Variants in SPAST observed in about 807,000 individuals in gnomAD.
SPAST encodes the protein spastic paraplegia 4 (autosomal dominant; spastin).
Under a neutral mutation model 76.6 loss-of-function variants are expected in SPAST, and 30 were observed. That is an observed-to-expected ratio of 0.39 (90% CI 0.29 to 0.53). The LOEUF (loss-of-function observed/expected upper bound fraction) is 0.53, where lower values mean the gene tolerates loss of function less well. Ranked by LOEUF, SPAST falls within the 20% of genes least tolerant of loss-of-function variation. The pLI, the probability that SPAST is intolerant of heterozygous loss-of-function variation, is 0.68. For synonymous variants in SPAST, 305 were observed against 281.0 expected (o/e 1.09, Z -0.86); for missense variants, 717 against 770.5 (o/e 0.93, Z 0.82).
intron 12 of SPAST, among the ~76,000 whole-genome samples, chr2:32,140,699 T>G (rs1261556632): frequency 6.6e-6 from 1 of 151,968 alleles, no homozygotes. Flanking sequence ...GCCAGATCAC[T>G]TGAGGCCGGG....
intron 4 of SPAST, among the ~76,000 whole-genome samples, chr2:32,105,541 A>AT (rs1454224599): frequency 3.9e-5 from 6 of 152,042 alleles, no homozygotes; most frequent in Non-Finnish European, 8.8e-5. Flanking sequence ...GGCGCTCTGA[A>AT]TTTTAGAATT....
At chr2:32,098,918 T>C in intron 4 of SPAST, 27 bp downstream of exon 4, 1 of 1,429,724 alleles carries the variant, frequency 7.0e-7, no homozygotes, top group South Asian at 1.1e-5. Context: ...TAACATAAAA[T>C]AATAAAGCTT....
intron 1 of SPAST, among the ~76,000 whole-genome samples, chr2:32,076,007 T>C (rs1339432322): frequency 6.6e-6 from 1 of 151,018 alleles, no homozygotes; most frequent in African/African-American, 2.4e-5. Flanking sequence ...TTGAAGTGAT[T>C]CTCCTGCCTC....
chr2:32,111,626 T>G (rs1415775018), intron 4 of SPAST, among the ~76,000 whole-genome samples: 3 of 151,316 alleles, frequency 2.0e-5, no homozygotes, highest in African/African-American at 7.3e-5. Flanking sequence ...TCTGATCTTT[T>G]TTTTTGTTCT....
At chr2:32,121,557 T>A (rs2148739413) in intron 7 of SPAST, among the ~76,000 whole-genome samples, 1 of 148,950 alleles carries the variant, frequency 6.7e-6, no homozygotes, top group South Asian at 2.2e-4. Context: ...TTTTTTTTTT[T>A]TAAGACACAG....
chr2:32,076,767 G>A (rs1676977052), intron 1 of SPAST, among the ~76,000 whole-genome samples: 1 of 151,824 alleles, frequency 6.6e-6, no homozygotes, highest in African/African-American at 2.4e-5. Flanking sequence ...ATTATATGTT[G>A]CCTAGGCTGG....
In SPAST at chr2:32,116,210, G is replaced by A. The variant is rs1553315356; in HGVS notation, c.1096G>A (p.Glu366Lys). The change falls in exon 7 of 17, where the codon GAG becomes AAG. Residue 366 changes from glutamate (E) to lysine (K), a missense_variant and splice_region_variant. Physicochemically the swap from Glu to Lys is moderately conservative, Grantham distance 56. Coordinates refer to ENST00000315285, the MANE Select transcript of SPAST (RefSeq NM_014946.4). Reference protein sequence around the residue: ...EIVILPSLRPELFTGLRAPAR... With the variant: ...EIVILPSLRPKLFTGLRAPAR... ...TGTTATTCTTCCTTCTCTGAGGCCT[G>A]AGGTAAGAACTTTATATTATCATTT... The A allele has an allele frequency of 6.2e-7, 1 of 1,605,338 alleles. No homozygotes were observed. Among genetic ancestry groups the A allele is most frequent in the Non-Finnish European group, 8.5e-7 (1 of 1,172,350 alleles).
At chr2:32,109,074 T>A (rs1337484970) in intron 4 of SPAST, among the ~76,000 whole-genome samples, 1 of 151,616 alleles carries the variant, frequency 6.6e-6, no homozygotes, top group Non-Finnish European at 1.5e-5. Context: ...TGGTATACTT[T>A]AAATGGATGT....
chr2:32,086,707 G>A (rs2145038), intron 1 of SPAST, among the ~76,000 whole-genome samples: 14,889 of 151,368 alleles, frequency 0.098, 799 homozygotes, highest in Middle Eastern at 0.19. Flanking sequence ...GCAATGAGCC[G>A]AGATTGCACC....
chr2:32,069,632 C>T (rs1676668303), intron 1 of SPAST, among the ~76,000 whole-genome samples: 1 of 151,284 alleles, frequency 6.6e-6, no homozygotes, highest in African/African-American at 2.4e-5. Flanking sequence ...TCTCAGCTCG[C>T]TGCAAGCCCC....
At chr2:32,101,615 A>T (rs552151365) in intron 4 of SPAST, among the ~76,000 whole-genome samples, 4 of 152,184 alleles carry the variant, frequency 2.6e-5, no homozygotes, top group Non-Finnish European at 5.9e-5. Context: ...TAGAACTAAC[A>T]TTTAAGTCTT....
intron 4 of SPAST, among the ~76,000 whole-genome samples, chr2:32,110,104 GTT>G (rs200943358): frequency 0.13 from 17,687 of 135,410 alleles, 1,218 homozygotes; most frequent in Middle Eastern, 0.19. Flanking sequence ...AGTTTTTTTT[GTT>G]TTTTTTTTTT....
chr2:32,128,275 A>C, intron 8 of SPAST, 133 bp from the exon 9 acceptor site: 1 of 698,588 alleles, frequency 1.4e-6, no homozygotes, highest in Non-Finnish European at 2.5e-6. Flanking sequence ...GATTACAGGC[A>C]TGAGCCACCA....
chr2:32,092,397 G>C (rs1275530996), intron 3 of SPAST, among the ~76,000 whole-genome samples: 2 of 152,120 alleles, frequency 1.3e-5, no homozygotes, highest in African/African-American at 4.8e-5. Context: ...ATATCATACA[G>C]AATAAATTTG....
rs1680222046 is a variant in SPAST at position 32,155,465 on chromosome 2, A to G, written c.*969A>G. The stretch of plus-strand genomic sequence containing the variant: ...CTTATTACTTTCTTAATTTTACAGG[A>G]TAATTATAAGCAAGTGGAACTACCA... On this transcript the variant is annotated 3_prime_UTR_variant, in exon 17 of 17. Transcript: ENST00000315285. 6.6e-6 allele frequency: 1 copy of G among 152,594 alleles called. No individual in the cohort carries two copies. The highest frequency in any genetic ancestry group is 1.5e-5 in the Non-Finnish European group (1 of 68,020). The allele number at this position is 152,594 out of a possible 1,614,324, so 9.5% of individuals were successfully genotyped here.
At chr2:32,096,855 A>G (rs1573084769) in intron 3 of SPAST, among the ~76,000 whole-genome samples, 1 of 152,104 alleles carries the variant, frequency 6.6e-6, no homozygotes, top group East Asian at 1.9e-4. Flanking sequence ...TCATTGAGAA[A>G]AATCAGATGA....
intron 1 of SPAST, among the ~76,000 whole-genome samples, chr2:32,065,275 C>T (rs1002805486): frequency 6.6e-6 from 1 of 152,134 alleles, no homozygotes; most frequent in East Asian, 1.9e-4. Flanking sequence ...GCCTCGGCCT[C>T]CCAAAGTGCT....
chr2:32,114,907 A>G (rs536140509), intron 5 of SPAST, 82 bp downstream of exon 5: 23 of 1,008,788 alleles, frequency 2.3e-5, no homozygotes, highest in South Asian at 1.5e-4. Context: ...TAAGTTGATC[A>G]TAAGTACTTT....
chr2:32,137,612 T>TC (rs1240422689), intron 12 of SPAST, among the ~76,000 whole-genome samples: 1 of 152,204 alleles, frequency 6.6e-6, no homozygotes, highest in Non-Finnish European at 1.5e-5. Context: ...GGGCATCCTT[T>TC]CCCAAGGAAT....
Sources: gnomAD v4.1 joint callset for allele counts (sites outside exome capture counted in the v4.1 genomes callset) on GRCh38, gnomAD v4.1.1 for gene constraint, MANE v1.5 for transcripts, NCBI Gene and HGNC (gene_info 2026-07-23, HGNC 2026-07-21) for gene names.